SLC25A48: variants seen among roughly 807,000 people sequenced by gnomAD.
The protein encoded by SLC25A48 is solute carrier family 25 member 48.
In SLC25A48, 29 loss-of-function variants were observed where a neutral mutation model predicts 32.2. That is an observed-to-expected ratio of 0.90 (90% confidence interval 0.67 to 1.23). The LOEUF is 1.23. SLC25A48 is among the 50% of genes most tolerant of loss of function. The probability of loss-of-function intolerance (pLI) is 0.00; values close to 1 mark genes in which losing one functional copy is unlikely to be tolerated. For synonymous variants in SLC25A48, 164 were observed against 172.3 expected, an observed-to-expected ratio of 0.95 and a Z score of 0.38; for missense variants, 399 against 422.7, an observed-to-expected ratio of 0.94 and a Z score of 0.49.
At chr5:135,829,570 T>G (rs1006070695) in intron 4 of SLC25A48, among the ~76,000 whole-genome samples, 11 of 152,188 alleles carry the variant, frequency 7.2e-5, no homozygotes, top group African/African-American at 1.9e-4. Context: ...GGGGAAGGGA[T>G]GTTTTCCCCC....
intron 3 of SLC25A48, among the ~76,000 whole-genome samples, chr5:135,796,646 G>C (rs1757188348): frequency 6.6e-6 from 1 of 151,696 alleles, no homozygotes; most frequent in Non-Finnish European, 1.5e-5. Flanking sequence ...AGGGGGAGAT[G>C]GTGATATTAC....
chr5:135,714,223 T>A (rs1754742454), intron 3 of SLC25A48, among the ~76,000 whole-genome samples: 1 of 152,016 alleles, frequency 6.6e-6, no homozygotes. Flanking sequence ...ATGGGCAGTG[T>A]AAAGGAAGGG....
intron 3 of SLC25A48, among the ~76,000 whole-genome samples, chr5:135,672,958 A>AT (rs1247315918): frequency 2.6e-5 from 4 of 152,182 alleles, no homozygotes; most frequent in Admixed American, 2.6e-4. Context: ...ATTTTCTAGA[A>AT]TTTTTAATAA....
chr5:135,799,978 T>A (rs1161495914), intron 3 of SLC25A48, among the ~76,000 whole-genome samples: 1 of 151,664 alleles, frequency 6.6e-6, no homozygotes, highest in Non-Finnish European at 1.5e-5. Flanking sequence ...ACTCCCAAAA[T>A]CGCAGAAGGT....
intron 3 of SLC25A48, among the ~76,000 whole-genome samples, chr5:135,797,016 G>T (rs1460579671): frequency 6.6e-6 from 1 of 151,798 alleles, no homozygotes; most frequent in Non-Finnish European, 1.5e-5. Flanking sequence ...ATATCCAGGG[G>T]AGAAAAGGAC....
rs772958272 is a variant in SLC25A48 at position 135,871,453 on chromosome 5, C to G, written c.422-8C>G. ...TCACTTGCCACCTTCTCTCCCCTGTCTTTGCAGCCAACCTCGGTTTGAAGT... is the reference window on the plus strand; with the variant it reads ...TCACTTGCCACCTTCTCTCCCCTGTGTTTGCAGCCAACCTCGGTTTGAAGT... On this transcript the variant is annotated splice_region_variant and splice_polypyrimidine_tract_variant and intron_variant, in intron 4 of 7. Transcript: ENST00000681962. The G allele has an allele frequency of 1.3e-6, 2 of 1,575,992 alleles. No individual in the cohort carries two copies. The highest frequency in any genetic ancestry group is 1.7e-6 in the Non-Finnish European group (2 of 1,157,312).
intron 3 of SLC25A48, among the ~76,000 whole-genome samples, chr5:135,749,099 C>G (rs1445426350): frequency 6.6e-6 from 1 of 152,076 alleles, no homozygotes; most frequent in Non-Finnish European, 1.5e-5. Flanking sequence ...CTCCTCCTAG[C>G]TGTTTCCAGC....
chr5:135,857,708 G>A (rs1760447961), intron 4 of SLC25A48, among the ~76,000 whole-genome samples: 1 of 152,192 alleles, frequency 6.6e-6, no homozygotes, highest in Non-Finnish European at 1.5e-5. Flanking sequence ...GGGCTGTCAG[G>A]CTGGAGTCAA....
intron 1 of SLC25A48, among the ~76,000 whole-genome samples, chr5:135,593,677 G>T (rs1751579179): frequency 6.7e-6 from 1 of 150,280 alleles, no homozygotes; most frequent in South Asian, 2.1e-4. Flanking sequence ...CTGACATCCA[G>T]GGCTTTGAGG....
chr5:135,834,416 G>A (rs1166001374), upstream of SLC25A48, among the ~76,000 whole-genome samples: 1 of 152,238 alleles, frequency 6.6e-6, no homozygotes, highest in Non-Finnish European at 1.5e-5. Flanking sequence ...TGTCAGCACA[G>A]CACAGTACAG....
intron 4 of SLC25A48, among the ~76,000 whole-genome samples, chr5:135,871,040 C>T (rs1761594951): frequency 6.7e-6 from 1 of 148,480 alleles, no homozygotes. Context: ...CCACACTGTG[C>T]ATAAATAAAT....
chr5:135,654,809 C>T (rs1753204119), intron 3 of SLC25A48, among the ~76,000 whole-genome samples: 1 of 152,216 alleles, frequency 6.6e-6, no homozygotes, highest in Non-Finnish European at 1.5e-5. Flanking sequence ...AGAAAGTCTG[C>T]CTGTGGCCTG....
At chr5:135,610,400 G>A (rs1438807482) in intron 1 of SLC25A48, among the ~76,000 whole-genome samples, 2 of 152,162 alleles carry the variant, frequency 1.3e-5, no homozygotes, top group Non-Finnish European at 2.9e-5. Flanking sequence ...AACCCCTAGG[G>A]CTCCTGCCAC....
chr5:135,766,227 C>T (rs916322034), intron 3 of SLC25A48, among the ~76,000 whole-genome samples: 7 of 151,382 alleles, frequency 4.6e-5, no homozygotes, highest in Middle Eastern at 3.5e-3. Flanking sequence ...ATATTACTCC[C>T]CATATCGCGG....
At chr5:135,727,222 T>TA (rs906636599) in intron 3 of SLC25A48, among the ~76,000 whole-genome samples, 2 of 150,378 alleles carry the variant, frequency 1.3e-5, no homozygotes, top group African/African-American at 4.9e-5. Flanking sequence ...ATAGTAAAAA[T>TA]AATATAGATA....
rs1353185820 is a variant in SLC25A48, at chr5:135,852,581, G to A, written c.181G>A (p.Gly61Ser). The A allele has an allele frequency of 1.9e-6, 3 of 1,599,428 alleles. No individual in the cohort carries two copies. The highest frequency in any genetic ancestry group is 1.7e-5 in the Admixed American group (1 of 59,680). The change falls in exon 4 of 8, where the codon GGC becomes AGC. Residue 61 changes from glycine (G) to serine (S), a missense_variant. Gly to Ser is a moderately conservative substitution (Grantham distance 56). Transcript: ENST00000681962. Reference protein sequence around the residue: ...RRESMFGFFKGMSFPLASIAV... With the variant: ...RRESMFGFFKSMSFPLASIAV... ...ACTGCAGATGTTCGGCTTCTTCAAG[G>A]GCATGTCCTTCCCCCTCGCCAGCAT... is the stretch of plus-strand genomic sequence containing the variant.
At chr5:135,656,112 A>G (rs1047013196) in intron 3 of SLC25A48, among the ~76,000 whole-genome samples, 1 of 152,232 alleles carries the variant, frequency 6.6e-6, no homozygotes, top group African/African-American at 2.4e-5. Flanking sequence ...ATTTGCAGTC[A>G]TCACATTAGT....
At chr5:135,656,610 T>G (rs1319104555) in intron 3 of SLC25A48, among the ~76,000 whole-genome samples, 1 of 152,192 alleles carries the variant, frequency 6.6e-6, no homozygotes. Flanking sequence ...TACCTCAGAA[T>G]GTGACCTTAT....
At chr5:135,669,979 C>A (rs1204818701) in intron 3 of SLC25A48, among the ~76,000 whole-genome samples, 3 of 152,206 alleles carry the variant, frequency 2.0e-5, no homozygotes. Flanking sequence ...AGAGCAATTT[C>A]TTACCCATAA....
Sources: allele counts gnomAD v4.1 joint callset (sites outside exome capture counted in the v4.1 genomes callset), GRCh38; gene constraint gnomAD v4.1.1; transcripts MANE v1.5; gene names NCBI Gene and HGNC (gene_info 2026-07-23, HGNC 2026-07-21).